MED26: variants seen among roughly 807,000 people sequenced by gnomAD.
MED26 encodes mediator of RNA polymerase II transcription subunit 26.
In MED26, 7 loss-of-function variants were observed where a neutral mutation model predicts 43.7. That is an observed-to-expected ratio of 0.16 (90% CI 0.09 to 0.30). The LOEUF is 0.30. Ranked by LOEUF, MED26 falls within the 10% of genes least tolerant of loss-of-function variation. The pLI, the probability that MED26 is intolerant of heterozygous loss-of-function variation, is 1.00. For missense variants in MED26, 784 were observed against 840.6 expected (o/e 0.93, Z 0.83); for synonymous variants, 375 against 371.1 (o/e 1.01, Z -0.12).
At chr19:16,605,415 G>C (rs1473568454) in intron 1 of MED26, among the ~76,000 whole-genome samples, 1 of 152,210 alleles carries the variant, frequency 6.6e-6, no homozygotes, top group East Asian at 1.9e-4. Context: ...CTCAGACTGA[G>C]ATGAGAACTG....
At chr19:16,589,553 G>A (rs2086086801) in intron 1 of MED26, 1 of 151,970 alleles carries the variant, frequency 6.6e-6, no homozygotes, top group Admixed American at 6.5e-5. Flanking sequence ...TGGATTAAAA[G>A]GTCAAAAGCA....
At position 16,576,803 on chromosome 19, in the gene MED26, C is replaced by G. The variant is rs1599328135; in HGVS notation, c.1027G>C (p.Glu343Gln). Residue 343 changes from glutamate to glutamine, a missense_variant, in exon 3 of 3, where the codon GAG becomes CAG. Around this residue, in one of 3 missense-constraint regions of MED26, gnomAD observed 719 missense variants for 730.9 expected, o/e 0.98. Transcript: ENST00000263390. The surrounding 1 kb of genome is among the most constrained non-coding windows in gnomAD (Gnocchi z 6.8). ...PSAESPVCWL[E>Q]QPESHQRLAG... ...AGCCGCTGGTGGCTCTCAGGCTGCT[C>G]AAGCCAGCACACTGGGCTTTCCGCA... is the stretch of plus-strand genomic sequence containing the variant. The G allele has an allele frequency of 1.9e-6, 3 of 1,607,824 alleles. No homozygotes were observed. Among genetic ancestry groups the G allele is most frequent in the Non-Finnish European group, 2.5e-6 (3 of 1,178,444 alleles).
At chr19:16,619,987 T>A (rs1016373519) in intron 1 of MED26, among the ~76,000 whole-genome samples, 6 of 152,114 alleles carry the variant, frequency 3.9e-5, no homozygotes, top group Non-Finnish European at 7.4e-5. Flanking sequence ...GAAGTGACAT[T>A]TGAACAGTGT....
Position 16,577,086 on chromosome 19 carries a change from C to T in MED26, c.744G>A (p.Ser248=), listed in dbSNP as rs761974835. The T allele has an allele frequency of 2.2e-5, 35 of 1,609,362 alleles. No homozygotes were observed. Among genetic ancestry groups the T allele is most frequent in the East Asian group, 4.5e-5 (2 of 44,756 alleles). ...CCACCCTGTCCAGCTGCTGCAGCACCGAAGCCTTTGGCTGCAAGCAGGGTC... is the reference window on the plus strand; with the variant it reads ...CCACCCTGTCCAGCTGCTGCAGCACTGAAGCCTTTGGCTGCAAGCAGGGTC... The part of the protein sequence containing the change: ...PPGPCLQPKA[S]VLQQLDRVDE... The change falls in exon 3 of 3, where the codon TCG becomes TCA. Residue 248 remains serine, a synonymous_variant. Coordinates refer to ENST00000263390, the MANE Select transcript of MED26 (RefSeq NM_004831.5). This position sits in a 1 kb window ranked among gnomAD's most constrained non-coding sequence, Gnocchi z 8.1.
Position 16,576,455 on chromosome 19 carries a change from G to C in MED26, c.1375C>G (p.Leu459Val). 2 of 1,614,176 alleles carry C rather than the reference G, an allele frequency of 1.2e-6. No individual in the cohort carries two copies. The highest frequency in any genetic ancestry group is 2.2e-5 in the South Asian group (2 of 91,082). The change falls in exon 3 of 3, where the codon CTG becomes GTG. Residue 459 changes from leucine to valine, a missense_variant. Physicochemically the swap from Leu to Val is conservative, Grantham distance 32. Transcript: ENST00000263390. This position sits in a 1 kb window ranked among gnomAD's most constrained non-coding sequence, Gnocchi z 6.8. ...VHMEQQSRTE[L>V]DKQEAKASLQ... ...CTGGCCTTGGCCTCCTGCTTGTCCA[G>C]CTCTGTCCTGGACTGCTGCTCCATG... is the stretch of plus-strand genomic sequence containing the variant.
chr19:16,608,118 C>T (rs1032306140), intron 1 of MED26, among the ~76,000 whole-genome samples: 4 of 152,244 alleles, frequency 2.6e-5, no homozygotes, highest in Non-Finnish European at 4.4e-5. Context: ...TCTTCTGGGG[C>T]CGCGAGCCTT....
In MED26 at chr19:16,577,227, A is replaced by G. The variant is rs1447260010; in HGVS notation, c.603T>C (p.His201=). ...CCAGGCGGCTGCCCTCTGGGCCTGC[A>G]TGCCCACTGCCATCCAGGGAGCTGG... The part of the protein sequence containing the change: ...SFASSLDGSG[H]AGPEGSRLER... Residue 201 remains histidine, a synonymous_variant, in exon 3 of 3, where the codon CAT becomes CAC. Coordinates refer to ENST00000263390, the MANE Select transcript of MED26 (RefSeq NM_004831.5). This position sits in a 1 kb window ranked among gnomAD's most constrained non-coding sequence, Gnocchi z 8.1. 1 of 1,613,158 alleles carries G rather than the reference A, an allele frequency of 6.2e-7. No individual in the cohort carries two copies. The highest frequency in any genetic ancestry group is 1.1e-5 in the South Asian group (1 of 91,088).
chr19:16,594,914 TG>T (rs2086113473), intron 1 of MED26, among the ~76,000 whole-genome samples: 2 of 152,194 alleles, frequency 1.3e-5, no homozygotes, highest in Admixed American at 1.3e-4. Flanking sequence ...CCAGGGAACC[TG>T]TCACCAAAGC....
chr19:16,574,959 G>T lies in MED26; in HGVS notation c.*1068C>A, dbSNP rs1485651226. On this transcript the variant is annotated 3_prime_UTR_variant, in exon 3 of 3. Coordinates refer to ENST00000263390, the MANE Select transcript of MED26 (RefSeq NM_004831.5). ...TTTTATTTCCACATTTATATCACAA[G>T]GTGTCCACTTACTGGACCAAATAGC... 1 of 151,688 alleles carries T rather than the reference G, an allele frequency of 6.6e-6. No individual in the cohort carries two copies. The highest frequency in any genetic ancestry group is 1.5e-5 in the Non-Finnish European group (1 of 67,922). 9.4% of individuals were successfully genotyped at this position (151,688 alleles called of 1,614,324 possible).
chr19:16,600,487 A>G (rs1280246027), intron 1 of MED26, among the ~76,000 whole-genome samples: 1 of 152,108 alleles, frequency 6.6e-6, no homozygotes, highest in African/African-American at 2.4e-5. Flanking sequence ...ATACTGCCAG[A>G]ATTTGACAAC....
chr19:16,603,486 C>T (rs1442876439), intron 1 of MED26, among the ~76,000 whole-genome samples: 1 of 152,188 alleles, frequency 6.6e-6, no homozygotes, highest in South Asian at 2.1e-4. Context: ...AAAATTCTTC[C>T]CTTCTTTTCT....
At chr19:16,603,132 T>G (rs997595138) in intron 1 of MED26, among the ~76,000 whole-genome samples, 1 of 152,250 alleles carries the variant, frequency 6.6e-6, no homozygotes, top group Non-Finnish European at 1.5e-5. Context: ...CTGGGCCCTC[T>G]GCTCCTCCTG....
chr19:16,601,746 C>T (rs901073617), intron 1 of MED26, among the ~76,000 whole-genome samples: 2 of 152,230 alleles, frequency 1.3e-5, no homozygotes, highest in Admixed American at 6.5e-5. Flanking sequence ...CACACAGCAG[C>T]GCAGCATGCG....
In MED26 at chr19:16,627,960, G is replaced by A. The variant is rs773264181; in HGVS notation, c.-17C>T. 6.9e-7 allele frequency: 1 copy of A among 1,447,002 alleles called. No individual in the cohort carries two copies. The highest frequency in any genetic ancestry group is 9.1e-7 in the Non-Finnish European group (1 of 1,097,096). The allele number at this position is 1,447,002 out of a possible 1,614,324, so 89.6% of individuals were successfully genotyped here. On this transcript the variant is annotated 5_prime_UTR_variant, in exon 1 of 3. Coordinates refer to ENST00000263390, the MANE Select transcript of MED26 (RefSeq NM_004831.5). ...CGCTGTCATTGCCTGGGCGAGGCGG[G>A]GGGTTGCGGCCGGGCCAGCGGGCGG...
intron 1 of MED26, among the ~76,000 whole-genome samples, chr19:16,608,548 C>T (rs543521876): frequency 5.3e-5 from 8 of 152,336 alleles, no homozygotes; most frequent in East Asian, 3.9e-4. Flanking sequence ...ATTTTATGGG[C>T]TCCAAACTAG....
intron 1 of MED26, among the ~76,000 whole-genome samples, chr19:16,601,538 C>T (rs2086149490): frequency 6.6e-6 from 1 of 152,218 alleles, no homozygotes; most frequent in Non-Finnish European, 1.5e-5. Context: ...TGAAGGTGCT[C>T]CTGGCCTGGC....
rs1226432558 is a variant in MED26 at position 16,577,597 on chromosome 19, C to T, written c.233G>A (p.Arg78Gln). ...CGGCTCGATGAGCTTCTGCCAGCTC[C>T]GCAGCAGCTTCTTGGCCCGCTTGGC... ...ELAKRAKKLL[R>Q]SWQKLIEPAH... Residue 78 changes from arginine to glutamine, a missense_variant, in exon 3 of 3, where the codon CGG becomes CAG. This residue lies in a region of MED26 where 28 missense variants were observed against 79.4 expected (regional missense o/e 0.35). Transcript: ENST00000263390. The surrounding 1 kb of genome is among the most constrained non-coding windows in gnomAD (Gnocchi z 8.1). 3 of 1,607,808 alleles carry T rather than the reference C, an allele frequency of 1.9e-6. No homozygotes were observed. The highest frequency in any genetic ancestry group is 1.7e-6 in the Non-Finnish European group (2 of 1,175,392).
rs769384880 is a variant in MED26, at chr19:16,576,672, TGAG to T, written c.1155_1157del (p.Ser386del). 3 of 1,613,948 alleles carry T rather than the reference TGAG, an allele frequency of 1.9e-6. No individual in the cohort carries two copies. The highest frequency in any genetic ancestry group is 2.7e-5 in the African/African-American group (2 of 74,948). On this transcript the variant is annotated inframe_deletion, in exon 3 of 3. Transcript: ENST00000263390. The surrounding 1 kb of genome is among the most constrained non-coding windows in gnomAD (Gnocchi z 6.8). ...TCTTCTTTTTACTGTCCGAGCCCCC[TGAG>T]GAGGCAGCATCACTGTCCGCCTTGG...
At chr19:16,619,575 T>C (rs2086242117) in intron 1 of MED26, among the ~76,000 whole-genome samples, 1 of 151,648 alleles carries the variant, frequency 6.6e-6, no homozygotes, top group Admixed American at 6.6e-5. Context: ...AACAGAAGAG[T>C]GCACTACCGT....
Sources: gnomAD v4.1 joint callset for allele counts (sites outside exome capture counted in the v4.1 genomes callset) on GRCh38, gnomAD v4.1.1 for gene constraint, gnomAD v4.1.1 regional missense constraint, Gnocchi (gnomAD v3.1) non-coding constraint, MANE v1.5 for transcripts, NCBI Gene and HGNC (gene_info 2026-07-23, HGNC 2026-07-21) for gene names.